The following PLA2R1 variants were observed in gnomAD, a reference collection of about 807,000 sequenced individuals.
PLA2R1 encodes the protein phospholipase A2 receptor 1, also known as secretory phospholipase A2 receptor.
Under a neutral mutation model 195.9 loss-of-function variants are expected in PLA2R1, and 158 were observed. The observed-to-expected ratio is 0.81, with a 90% CI of 0.71 to 0.92. The LOEUF (loss-of-function observed/expected upper bound fraction) is 0.92. PLA2R1 is among the 40% of genes least tolerant of loss of function. The pLI is 0.00. For synonymous variants in PLA2R1, 586 were observed against 598.2 expected (o/e 0.98, Z 0.30); for missense variants, 1,626 against 1,764.6 (o/e 0.92, Z 1.41).
chr2:160,044,610 AC>A (rs1694746149), intron 2 of PLA2R1, among the ~76,000 whole-genome samples, 163 bp downstream of exon 2: 1 of 152,002 alleles, frequency 6.6e-6, no homozygotes, highest in Admixed American at 6.6e-5. Flanking sequence ...GACTCTCATA[AC>A]CCTTTTACCA....
intron 1 of PLA2R1, among the ~76,000 whole-genome samples, chr2:160,053,011 A>G (rs1416924074): frequency 6.6e-6 from 1 of 152,234 alleles, no homozygotes; most frequent in Non-Finnish European, 1.5e-5. Flanking sequence ...TTGCCATAAC[A>G]AAATACCACA....
In PLA2R1 at chr2:160,005,467, C is replaced by CAAAT. The variant is rs1235304548; in HGVS notation, c.1834+181_1834+184dup. Among the ~76,000 whole-genome samples, 399 of 151,522 alleles carry CAAAT rather than the reference C, an allele frequency of 2.6e-3. 3 individuals are homozygous for CAAAT. Among genetic ancestry groups the CAAAT allele is most frequent in the African/African-American group, 8.1e-3 (332 of 41,194 alleles). On this transcript the variant is annotated intron_variant, in intron 11 of 29. Coordinates refer to ENST00000283243, the MANE Select transcript of PLA2R1 (RefSeq NM_007366.5). ...ACAAACAAACAAACAAACAAACAAA[C>CAAAT]AAATAAAATAAATAAAAACAAAGAT...
intron 3 of PLA2R1, among the ~76,000 whole-genome samples, chr2:160,041,554 C>T (rs542105825): frequency 5.9e-5 from 9 of 152,192 alleles, no homozygotes; most frequent in African/African-American, 1.9e-4. Context: ...AGGGCAATTG[C>T]GATTTTAGAA....
chr2:159,926,310 T>G, the PLA2R1 span, among the ~76,000 whole-genome samples: 1 of 152,124 alleles, frequency 6.6e-6, no homozygotes, highest in Non-Finnish European at 1.5e-5. Context: ...AGGCGATAAA[T>G]GACTGCTTTT....
chr2:159,987,221 T>C lies in PLA2R1; in HGVS notation c.1972A>G (p.Arg658Gly), dbSNP rs1193302302. 1 of 1,613,556 alleles carries C rather than the reference T, an allele frequency of 6.2e-7. No homozygotes were observed. Among genetic ancestry groups the C allele is most frequent in the Non-Finnish European group, 8.5e-7 (1 of 1,179,966 alleles). Residue 658 changes from arginine (R) to glycine (G), a missense_variant, in exon 12 of 30, where the codon AGA becomes GGA. Arg to Gly is a moderately radical substitution (Grantham distance 125). Coordinates refer to ENST00000283243, the MANE Select transcript of PLA2R1 (RefSeq NM_007366.5). Reference protein sequence around the residue: ...ENQEKAEYEERWPFHPCYLDW... With the variant: ...ENQEKAEYEEGWPFHPCYLDW... ...AAATAGCAGGGGTGAAAGGGCCATC[T>C]CTCTTCATACTCTGCTTTTTCCTGA...
At chr2:160,046,093 T>C (rs1694846327) in intron 1 of PLA2R1, among the ~76,000 whole-genome samples, 1 of 152,236 alleles carries the variant, frequency 6.6e-6, no homozygotes, top group Non-Finnish European at 1.5e-5. Flanking sequence ...TCAACAGTTA[T>C]GAACTTGTTT....
chr2:160,009,793 A>C (rs1692235412), intron 10 of PLA2R1, among the ~76,000 whole-genome samples: 1 of 152,196 alleles, frequency 6.6e-6, no homozygotes, highest in Non-Finnish European at 1.5e-5. Context: ...TAGAGCTGTA[A>C]AAATGCTTTA....
intron 17 of PLA2R1, among the ~76,000 whole-genome samples, chr2:159,973,751 C>A (rs1689348901): frequency 6.6e-6 from 1 of 152,130 alleles, no homozygotes; most frequent in African/African-American, 2.4e-5. Flanking sequence ...AAATCCTATA[C>A]CTTCCCATAA....
At chr2:160,023,098 A>G (rs1693249447) in intron 6 of PLA2R1, among the ~76,000 whole-genome samples, 1 of 152,156 alleles carries the variant, frequency 6.6e-6, no homozygotes, top group African/African-American at 2.4e-5. Flanking sequence ...TGAGCTAGTG[A>G]AGGTACAAAG....
chr2:159,946,704 G>C (rs924216912), intron 27 of PLA2R1, 97 bp downstream of exon 27: 1 of 1,445,820 alleles, frequency 6.9e-7, no homozygotes, highest in Non-Finnish European at 9.1e-7. Flanking sequence ...CTCAGAAAAC[G>C]TATCCAAGGA....
downstream of PLA2R1, among the ~76,000 whole-genome samples, chr2:159,930,537 C>T (rs1263333878): frequency 6.6e-6 from 1 of 152,164 alleles, no homozygotes; most frequent in Non-Finnish European, 1.5e-5. Flanking sequence ...CCCCCCAAAC[C>T]CCTTGGAAAT....
intron 17 of PLA2R1, among the ~76,000 whole-genome samples, chr2:159,971,340 G>GAAC (rs1323305915): frequency 3.9e-5 from 6 of 152,004 alleles, no homozygotes; most frequent in African/African-American, 1.4e-4. Flanking sequence ...TAGAAGACTT[G>GAAC]AACAACAACA....
At position 159,936,947 on chromosome 2, in the gene PLA2R1, G is replaced by C. The variant is rs184971599; in HGVS notation, c.*4831C>G. On this transcript the variant is annotated 3_prime_UTR_variant, in exon 30 of 30. Coordinates refer to ENST00000283243, the MANE Select transcript of PLA2R1 (RefSeq NM_007366.5). ...ATAGAAACTTTGTTCATATAAATAA[G>C]TAGATGGGAATAAAAGGAGGTTTGT... 109 of 152,328 alleles carry C rather than the reference G, an allele frequency of 7.2e-4. No individual in the cohort carries two copies. The highest frequency in any genetic ancestry group is 2.5e-3 in the African/African-American group (106 of 41,578). 9.4% of individuals were successfully genotyped at this position (152,328 alleles called of 1,614,324 possible).
intron 15 of PLA2R1, 25 bp from the exon 16 acceptor site, chr2:159,976,745 T>C (rs1480880967): frequency 6.3e-7 from 1 of 1,596,886 alleles, no homozygotes; most frequent in Admixed American, 1.7e-5. Flanking sequence ...CAAATCACTT[T>C]GACTGATCTT....
At chr2:160,015,981 T>G (rs1263789229) in intron 9 of PLA2R1, among the ~76,000 whole-genome samples, 1 of 152,058 alleles carries the variant, frequency 6.6e-6, no homozygotes, top group African/African-American at 2.4e-5. Context: ...AGGAAAACCA[T>G]AAGTCAGGCA....
chr2:159,978,615 T>C (rs904292928), intron 14 of PLA2R1, among the ~76,000 whole-genome samples: 1 of 152,194 alleles, frequency 6.6e-6, no homozygotes, highest in Non-Finnish European at 1.5e-5. Flanking sequence ...TGTGTCACAT[T>C]TCTTTTTCGA....
intron 6 of PLA2R1, among the ~76,000 whole-genome samples, chr2:160,025,588 C>CAAAAAAAAAAAAAAA (rs56365741): frequency 7.6e-5 from 4 of 52,848 alleles, no homozygotes; most frequent in Admixed American, 2.8e-4. Context: ...AACCATAAAG[C>CAAAAAAAAAAAAAAA]AAAAAAAAAA....
intron 11 of PLA2R1, among the ~76,000 whole-genome samples, chr2:159,995,131 G>A (rs1277926087): frequency 1.3e-5 from 2 of 152,096 alleles, no homozygotes; most frequent in African/African-American, 4.8e-5. Flanking sequence ...TGTGATTTAG[G>A]TAGTGTCTCT....
intron 1 of PLA2R1, among the ~76,000 whole-genome samples, chr2:160,051,164 G>C (rs1374167619): frequency 1.3e-5 from 2 of 152,206 alleles, no homozygotes; most frequent in South Asian, 4.1e-4. Context: ...CACCATGAAG[G>C]TGTTCACCTA....
Sources: gnomAD v4.1 joint callset for allele counts (sites outside exome capture counted in the v4.1 genomes callset) on GRCh38, gnomAD v4.1.1 for gene constraint, MANE v1.5 for transcripts, NCBI Gene and HGNC (gene_info 2026-07-23, HGNC 2026-07-21) for gene names.